The following CORO2A variants were observed in gnomAD, a reference collection of about 807,000 sequenced individuals.
The protein encoded by CORO2A is coronin-2A.
A neutral mutation model predicts 62.4 loss-of-function variants in CORO2A; 47 were observed. The ratio of observed to expected loss-of-function variants is 0.75; its 90% CI spans 0.60 to 0.96. The LOEUF is 0.96. Ranked by LOEUF, CORO2A falls within the 40% of genes least tolerant of loss-of-function variation. The pLI, the probability that CORO2A is intolerant of heterozygous loss-of-function variation, is 0.00. For synonymous variants in CORO2A, 273 were observed against 268.9 expected (o/e 1.02, Z -0.15); for missense variants, 610 against 684.1 (o/e 0.89, Z 1.21).
In CORO2A at chr9:98,157,555, G is replaced by C. The variant is rs1827822303; in HGVS notation, c.106C>G (p.His36Asp). The change falls in exon 2 of 12, where the codon CAC (histidine) becomes GAC (aspartate). Residue 36 changes from histidine (H) to aspartate (D), a missense_variant. Coordinates refer to ENST00000375077, the MANE Select transcript of CORO2A (RefSeq NM_052820.4). ...YDSVPITRSV[H>D]DNHFCAVNPH... ...TTCACGGCACAGAAGTGGTTGTCGT[G>C]AACGCTGCGGGTGATAGGCACGGAG... 1 of 1,614,200 alleles carries C rather than the reference G, an allele frequency of 6.2e-7. No individual in the cohort carries two copies. Among genetic ancestry groups the C allele is most frequent in the Non-Finnish European group, 8.5e-7 (1 of 1,180,038 alleles).
intron 1 of CORO2A, among the ~76,000 whole-genome samples, chr9:98,169,194 C>T (rs1438696274): frequency 1.3e-5 from 2 of 152,038 alleles, no homozygotes; most frequent in East Asian, 1.9e-4. Context: ...CTCAGGTTTC[C>T]GCCTTCCCCG....
intron 2 of CORO2A, among the ~76,000 whole-genome samples, chr9:98,138,131 G>A (rs1435907767): frequency 6.6e-6 from 1 of 152,174 alleles, no homozygotes; most frequent in Non-Finnish European, 1.5e-5. Flanking sequence ...AAAATGAAAA[G>A]ATAAGTCCGC....
In CORO2A at chr9:98,122,872, A is replaced by T. The variant is rs1236665024; in HGVS notation, c.*1902T>A. The T allele has an allele frequency of 6.6e-6, 1 of 152,222 alleles. No individual in the cohort carries two copies. The highest frequency in any genetic ancestry group is 1.5e-5 in the Non-Finnish European group (1 of 68,070). The allele number at this position is 152,222 out of a possible 1,614,324, so 9.4% of individuals were successfully genotyped here. ...GTTCTGAAGTCTGCGTCCCTCCATA[A>T]GGGACAGCATCTATCCATATCAGGC... On this transcript the variant is annotated 3_prime_UTR_variant, in exon 12 of 12. Transcript: ENST00000375077.
At chr9:98,145,869 C>T (rs1312490241) in intron 2 of CORO2A, among the ~76,000 whole-genome samples, 9 of 152,162 alleles carry the variant, frequency 5.9e-5, no homozygotes, top group African/African-American at 1.9e-4. Flanking sequence ...TGTGCCACCA[C>T]GCCCAGCTGA....
At chr9:98,125,947 G>C (rs1242677803) in intron 11 of CORO2A, among the ~76,000 whole-genome samples, 2 of 151,292 alleles carry the variant, frequency 1.3e-5, no homozygotes, top group African/African-American at 4.9e-5. Context: ...CAAACTTCTG[G>C]CCTCAAGAGA....
At chr9:98,190,064 T>C (rs1298316672) in intron 1 of CORO2A, among the ~76,000 whole-genome samples, 4 of 152,166 alleles carry the variant, frequency 2.6e-5, no homozygotes, top group Non-Finnish European at 5.9e-5. Context: ...TTTATATTTT[T>C]AGTACAGACA....
chr9:98,137,797 A>T, intron 2 of CORO2A, 109 bp from the exon 3 acceptor site: 1 of 828,924 alleles, frequency 1.2e-6, no homozygotes, highest in Non-Finnish European at 2.1e-6. Context: ...TAAGGGACAG[A>T]GCTGGGTGTG....
chr9:98,132,395 C>T, intron 5 of CORO2A, 94 bp from the exon 6 acceptor site: 1 of 993,086 alleles, frequency 1.0e-6, no homozygotes, highest in Non-Finnish European at 1.6e-6. Flanking sequence ...TGCCACCGCT[C>T]CACCTGGGAG....
intron 1 of CORO2A, among the ~76,000 whole-genome samples, chr9:98,175,252 G>A (rs1828092883): frequency 6.6e-6 from 1 of 152,016 alleles, no homozygotes; most frequent in Non-Finnish European, 1.5e-5. Flanking sequence ...GGGTGGGGAG[G>A]CCTTGCTATT....
At chr9:98,190,480 A>G (rs550624314) in intron 1 of CORO2A, among the ~76,000 whole-genome samples, 1 of 152,202 alleles carries the variant, frequency 6.6e-6, no homozygotes, top group East Asian at 1.9e-4. Flanking sequence ...AGGCACTCCA[A>G]TCTTGGAATC....
chr9:98,128,637 G>A lies in CORO2A; in HGVS notation c.1050C>T (p.Ile350=), dbSNP rs746789995. The change falls in exon 9 of 12, where the codon ATC becomes ATT. Residue 350 remains isoleucine (I), a synonymous_variant. Transcript: ENST00000375077. Reference sequence around the variant, plus strand: ...GGGGCACAATCATGGAGATGGGCTCGATGAGGCTTTTGGTTGTGATCAGCT... The same window carrying A: ...GGGGCACAATCATGGAGATGGGCTCAATGAGGCTTTTGGTTGTGATCAGCT... ...FYKLITTKSL[I]EPISMIVPRR... 30 of 1,614,078 alleles carry A rather than the reference G, an allele frequency of 1.9e-5. No individual in the cohort carries two copies. The East Asian group carries it at 3.3e-4, about 18-fold the overall frequency.
At chr9:98,163,124 C>A (rs758453927) in intron 1 of CORO2A, among the ~76,000 whole-genome samples, 1 of 152,248 alleles carries the variant, frequency 6.6e-6, no homozygotes, top group South Asian at 2.1e-4. Context: ...GGCTCCGGGG[C>A]CTGTGAATTC....
At chr9:98,132,429 T>A in intron 5 of CORO2A, 128 bp from the exon 6 acceptor site, 3 of 678,836 alleles carry the variant, frequency 4.4e-6, no homozygotes, top group Non-Finnish European at 7.7e-6. Context: ...ACCCCAGCTC[T>A]GCCTGGAGAT....
At chr9:98,157,436 G>A (rs1483146209) in intron 2 of CORO2A, 24 bp downstream of exon 2, 3 of 1,612,296 alleles carry the variant, frequency 1.9e-6, no homozygotes, top group Non-Finnish European at 1.7e-6. Flanking sequence ...CCAGAGAGCT[G>A]TTTGGGCCTG....
intron 1 of CORO2A, among the ~76,000 whole-genome samples, chr9:98,181,797 G>A (rs1011183102): frequency 6.6e-6 from 1 of 151,786 alleles, no homozygotes; most frequent in African/African-American, 2.4e-5. Flanking sequence ...CCATCCCCTC[G>A]CAGGCCATGG....
At chr9:98,163,782 CAG>C (rs1178703138) in intron 1 of CORO2A, among the ~76,000 whole-genome samples, 2 of 133,020 alleles carry the variant, frequency 1.5e-5, no homozygotes, top group African/African-American at 2.8e-5. Flanking sequence ...GAGAAAGAGA[CAG>C]AGAGAGTTTC....
intron 1 of CORO2A, among the ~76,000 whole-genome samples, chr9:98,158,650 A>C (rs1421984716): frequency 3.3e-5 from 5 of 152,130 alleles, no homozygotes; most frequent in Non-Finnish European, 7.4e-5. Flanking sequence ...AGAGATTCGC[A>C]CATGACAGTC....
chr9:98,189,244 G>A (rs1450602983), intron 1 of CORO2A, among the ~76,000 whole-genome samples: 1 of 152,220 alleles, frequency 6.6e-6, no homozygotes, highest in Non-Finnish European at 1.5e-5. Context: ...TTTGACCACA[G>A]AAGCAAAGTC....
chr9:98,163,210 C>T (rs544806892), intron 1 of CORO2A, among the ~76,000 whole-genome samples: 65 of 152,270 alleles, frequency 4.3e-4, no homozygotes, highest in African/African-American at 1.5e-3. Flanking sequence ...TTCTTTGAGA[C>T]GGAGTCTCGC....
Sources: allele counts gnomAD v4.1 joint callset (sites outside exome capture counted in the v4.1 genomes callset), GRCh38; gene constraint gnomAD v4.1.1; transcripts MANE v1.5; gene names NCBI Gene and HGNC (gene_info 2026-07-23, HGNC 2026-07-21).